The following KAZN variants were observed in gnomAD, a reference collection of about 807,000 sequenced individuals.
KAZN encodes the protein kazrin, periplakin interacting protein.
Under a neutral mutation model 87.4 loss-of-function variants are expected in KAZN, and 40 were observed. That is an observed-to-expected ratio of 0.46 (90% CI 0.36 to 0.60). KAZN has a LOEUF of 0.60. KAZN is among the 20% of genes least tolerant of loss of function. KAZN has a pLI of 0.00. For missense variants in KAZN, 898 were observed against 1,073.9 expected, an observed-to-expected ratio of 0.84 and a Z score of 2.29; for synonymous variants, 466 against 458.3, an observed-to-expected ratio of 1.02 and a Z score of -0.22.
chr1:14,381,246 C>CA, intron 2 of KAZN, among the ~76,000 whole-genome samples: 1 of 152,144 alleles, frequency 6.6e-6, no homozygotes, highest in Middle Eastern at 3.4e-3. Flanking sequence ...CTGGAGCACT[C>CA]AGATATATAA....
chr1:14,598,684 C>G, upstream of KAZN: 1 of 1,288,192 alleles, frequency 7.8e-7, no homozygotes, highest in Non-Finnish European at 9.8e-7. The surrounding 1 kb of genome is among the most constrained non-coding windows in gnomAD (Gnocchi z 4.2). Context: ...CGCGCGGTGT[C>G]CTTCTTGGAG....
chr1:13,908,625 T>C (rs1359184091), intron 1 of KAZN, among the ~76,000 whole-genome samples: 1 of 152,244 alleles, frequency 6.6e-6, no homozygotes, highest in Admixed American at 6.5e-5. Flanking sequence ...TTATAGCTTT[T>C]CTTGGGAAGG....
At chr1:14,781,460 A>G (rs904164387) in intron 1 of KAZN, among the ~76,000 whole-genome samples, 3 of 152,266 alleles carry the variant, frequency 2.0e-5, no homozygotes, top group African/African-American at 7.2e-5. Context: ...GGTCAGCTTC[A>G]GAAGGGGATA....
intron 2 of KAZN, among the ~76,000 whole-genome samples, chr1:14,244,154 T>C (rs1255882092): frequency 6.6e-6 from 1 of 152,246 alleles, no homozygotes; most frequent in Non-Finnish European, 1.5e-5. Context: ...TACCCTCTTT[T>C]CAGTTCCTTG....
chr1:14,016,910 G>A (rs182336709), intron 1 of KAZN, among the ~76,000 whole-genome samples: 12 of 152,210 alleles, frequency 7.9e-5, no homozygotes, highest in Non-Finnish European at 1.0e-4. Flanking sequence ...TTTACTTTCC[G>A]GGTTAATTCA....
chr1:14,609,874 A>G (rs1404536168), intron 1 of KAZN, among the ~76,000 whole-genome samples: 3 of 152,208 alleles, frequency 2.0e-5, no homozygotes, highest in East Asian at 1.9e-4. Context: ...TATTGAACCA[A>G]CTTCCCCTCC....
At chr1:13,978,612 T>C (rs1335484044) in intron 1 of KAZN, among the ~76,000 whole-genome samples, 2 of 151,800 alleles carry the variant, frequency 1.3e-5, no homozygotes, top group African/African-American at 4.8e-5. Context: ...ATTAGTAAAC[T>C]GGAAGATAGG....
intron 1 of KAZN, among the ~76,000 whole-genome samples, chr1:14,783,655 G>A (rs1279165309): frequency 3.3e-5 from 5 of 152,190 alleles, no homozygotes; most frequent in African/African-American, 1.2e-4. Flanking sequence ...GGGTATGGAG[G>A]GAAGAGCACC....
At chr1:14,079,027 G>A (rs1221069794) in intron 1 of KAZN, among the ~76,000 whole-genome samples, 4 of 152,168 alleles carry the variant, frequency 2.6e-5, no homozygotes, top group African/African-American at 9.7e-5. Context: ...AGTCCATTTT[G>A]CGTTGCTGTA....
intron 13 of KAZN, among the ~76,000 whole-genome samples, chr1:15,107,527 C>T (rs1641337253): frequency 6.6e-6 from 1 of 152,164 alleles, no homozygotes; most frequent in East Asian, 1.9e-4. Context: ...GTTACTTAAC[C>T]TCTCTGAACT....
intron 2 of KAZN, among the ~76,000 whole-genome samples, chr1:14,214,883 CT>C (rs1156337781): frequency 2.6e-5 from 4 of 152,200 alleles, no homozygotes; most frequent in Non-Finnish European, 5.9e-5. Context: ...GACACAGCCC[CT>C]ATCCTCAAGA....
chr1:14,190,185 T>C (rs1333663458), intron 2 of KAZN, among the ~76,000 whole-genome samples: 2 of 152,106 alleles, frequency 1.3e-5, no homozygotes, highest in African/African-American at 4.8e-5. Context: ...CATGGTTAAT[T>C]TGTTCAACAA....
chr1:14,149,189 CCTCCTGGGTTTAAGTGATT>C (rs1392944322), intron 1 of KAZN, among the ~76,000 whole-genome samples: 2 of 148,138 alleles, frequency 1.4e-5, no homozygotes, highest in Admixed American at 6.8e-5. Flanking sequence ...GCAACCTCCG[CCTCCTGGGTTTAAGTGATT>C]CTCCTGCCTC....
intron 1 of KAZN, among the ~76,000 whole-genome samples, chr1:14,950,674 G>A (rs1004680577): frequency 8.5e-5 from 13 of 152,126 alleles, no homozygotes; most frequent in African/African-American, 2.9e-4. Flanking sequence ...GCAGTAGAGA[G>A]CCAGTGTGGC....
Position 14,599,029 on chromosome 1 carries a change from G to A in KAZN, c.32G>A (p.Arg11His). 1.3e-6 allele frequency: 2 copies of A among 1,570,030 alleles called. No homozygotes were observed. Among genetic ancestry groups the A allele is most frequent in the Non-Finnish European group, 1.7e-6 (2 of 1,162,116 alleles). The change falls in exon 1 of 15, where the codon CGC becomes CAC. Residue 11 changes from arginine (R) to histidine (H), a missense_variant. Coordinates refer to ENST00000376030, the MANE Select transcript of KAZN (RefSeq NM_201628.3). The surrounding 1 kb of genome is among the most constrained non-coding windows in gnomAD (Gnocchi z 4.4). The stretch of plus-strand genomic sequence containing the variant: ...GAAGACAATAAGCAGCTCGCGCTCC[G>A]CATCGATGGGGCGGTCCAGTCGGCC... The part of the protein sequence containing the change: MMEDNKQLAL[R>H]IDGAVQSASQ...
Position 13,945,710 on chromosome 1 carries a change from T to TGTGTGTGTGTGA in KAZN, c.91+51955_91+51956insTGTGTGTGTGAG, listed in dbSNP as rs757118365. ...GTGTGTGTGTGTGTGTGTGTGTGTG[T>TGTGTGTGTGTGA]GAGAGAGAGAGAGAGAGAGAGAGAG... On this transcript the variant is annotated intron_variant, in intron 1 of 16. Transcript: ENST00000636203. Among the ~76,000 whole-genome samples the TGTGTGTGTGTGA allele has an allele frequency of 3.3e-3, 449 of 137,210 alleles. 1 individual carries two copies. Among genetic ancestry groups the TGTGTGTGTGTGA allele is most frequent in the East Asian group, 4.1e-3 (18 of 4,346 alleles). The allele number at this position is 137,210 out of a possible 152,430, so 90.0% of individuals were successfully genotyped here.
intron 1 of KAZN, among the ~76,000 whole-genome samples, chr1:14,644,308 G>A (rs567288700): frequency 6.0e-5 from 9 of 150,858 alleles, no homozygotes; most frequent in South Asian, 2.1e-4. Context: ...CACCACGCCC[G>A]CCTGCCCACT....
intron 2 of KAZN, among the ~76,000 whole-genome samples, chr1:15,023,416 G>C (rs180795289): frequency 6.6e-6 from 1 of 152,184 alleles, no homozygotes; most frequent in South Asian, 2.1e-4. Flanking sequence ...AGTGAGACAC[G>C]TGGGTAGGAG....
At chr1:14,528,882 T>C (rs1672057167) in intron 2 of KAZN, among the ~76,000 whole-genome samples, 1 of 152,138 alleles carries the variant, frequency 6.6e-6, no homozygotes, top group African/African-American at 2.4e-5. Context: ...CTCCACTTTA[T>C]TCATGTCCCT....
Sources: gnomAD v4.1 joint callset for allele counts (sites outside exome capture counted in the v4.1 genomes callset) on GRCh38, gnomAD v4.1.1 for gene constraint, Gnocchi (gnomAD v3.1) non-coding constraint, MANE v1.5 for transcripts, NCBI Gene and HGNC (gene_info 2026-07-23, HGNC 2026-07-21) for gene names.